Variants in CCSER1 observed in about 807,000 individuals in gnomAD.
CCSER1 encodes the protein coiled-coil serine rich protein 1.
Under a neutral mutation model 82.0 loss-of-function variants are expected in CCSER1, and 41 were observed. That is an observed-to-expected ratio of 0.50 (90% CI 0.39 to 0.65). CCSER1 has a LOEUF of 0.65. Ranked by LOEUF, CCSER1 falls within the 30% of genes least tolerant of loss-of-function variation. The pLI, the probability that CCSER1 is intolerant of heterozygous loss-of-function variation, is 0.00. For synonymous variants in CCSER1, 414 were observed against 383.9 expected, an observed-to-expected ratio of 1.08 and a Z score of -0.92; for missense variants, 1,119 against 1,064.2, an observed-to-expected ratio of 1.05 and a Z score of -0.72.
At chr4:91,232,523 A>G (rs1444668855) in intron 10 of CCSER1, among the ~76,000 whole-genome samples, 1 of 151,814 alleles carries the variant, frequency 6.6e-6, no homozygotes, top group African/African-American at 2.4e-5. Flanking sequence ...CGGAAATACA[A>G]CTATGCCTAT....
At chr4:90,607,557 T>G (rs1236023020) in intron 5 of CCSER1, among the ~76,000 whole-genome samples, 2 of 152,146 alleles carry the variant, frequency 1.3e-5, no homozygotes, top group Non-Finnish European at 2.9e-5. Context: ...CACCCTGATT[T>G]CCGCCTTAAT....
intron 9 of CCSER1, among the ~76,000 whole-genome samples, chr4:90,949,738 G>A (rs1049729512): frequency 6.6e-6 from 1 of 151,844 alleles, no homozygotes; most frequent in East Asian, 1.9e-4. Flanking sequence ...CTAACCTATG[G>A]CATTTACATC....
At chr4:90,959,568 C>T (rs1018234036) in intron 9 of CCSER1, among the ~76,000 whole-genome samples, 22 of 151,944 alleles carry the variant, frequency 1.4e-4, no homozygotes, top group African/African-American at 5.3e-4. Flanking sequence ...AGTCTTATAC[C>T]ATTTAATCCT....
At chr4:90,604,701 C>T (rs1015376728) in intron 5 of CCSER1, among the ~76,000 whole-genome samples, 8 of 152,058 alleles carry the variant, frequency 5.3e-5, no homozygotes, top group Admixed American at 4.6e-4. Context: ...ATCAGCACTT[C>T]GTGTCTAGCT....
chr4:90,786,470 C>T lies in CCSER1; in HGVS notation c.2011-29292C>T, dbSNP rs370641395. ...AATGTATTTTTTCTAGTACTTAGAG[C>T]CTTTAATACTGTAATCATTTTACTC... On this transcript the variant is annotated intron_variant, in intron 7 of 10. Transcript: ENST00000509176. 2.0e-5 allele frequency among the ~76,000 whole-genome samples: 3 copies of T among 151,022 alleles called. 1 individual carries two copies. The highest frequency in any genetic ancestry group is 3.9e-4 in the East Asian group (2 of 5,150).
chr4:90,993,970 G>C (rs961032598), intron 9 of CCSER1, among the ~76,000 whole-genome samples: 9 of 152,014 alleles, frequency 5.9e-5, no homozygotes, highest in Non-Finnish European at 1.0e-4. Flanking sequence ...GATGTTACTT[G>C]ACTTATGATA....
chr4:91,137,119 T>G (rs1728552516), intron 10 of CCSER1, among the ~76,000 whole-genome samples: 1 of 144,028 alleles, frequency 6.9e-6, no homozygotes, highest in South Asian at 2.3e-4. Flanking sequence ...CACTAACTCG[T>G]CATCTAGCCT....
At chr4:91,248,195 A>T (rs1451773335) in intron 10 of CCSER1, among the ~76,000 whole-genome samples, 2 of 152,176 alleles carry the variant, frequency 1.3e-5, no homozygotes, top group Non-Finnish European at 2.9e-5. Flanking sequence ...CCACATATGC[A>T]CTCATATATA....
At chr4:91,015,734 T>G (rs1182263432) in intron 9 of CCSER1, among the ~76,000 whole-genome samples, 1 of 152,028 alleles carries the variant, frequency 6.6e-6, no homozygotes, top group African/African-American at 2.4e-5. Flanking sequence ...ATATTAATCC[T>G]TAATTTTTAG....
At chr4:91,373,201 A>G (rs187910856) in intron 10 of CCSER1, among the ~76,000 whole-genome samples, 57 of 152,238 alleles carry the variant, frequency 3.7e-4, no homozygotes, top group African/African-American at 1.3e-3. Context: ...CCCGGTGCCA[A>G]CAATATTTAG....
At chr4:90,403,997 G>T (rs1753327973) in intron 4 of CCSER1, 1 of 152,174 alleles carries the variant, frequency 6.6e-6, no homozygotes. Context: ...ACCGCCACAG[G>T]CTCCCTGAGA....
At chr4:91,325,874 T>C (rs1053498407) in intron 10 of CCSER1, among the ~76,000 whole-genome samples, 1 of 152,196 alleles carries the variant, frequency 6.6e-6, no homozygotes, top group African/African-American at 2.4e-5. Context: ...AAAAGATTAG[T>C]TTTAGTTTGA....
At chr4:91,319,569 T>G (rs182021284) in intron 10 of CCSER1, 121 of 428,942 alleles carry the variant, frequency 2.8e-4, no homozygotes, top group Admixed American at 6.3e-4. Context: ...GTGAAAGAAG[T>G]AAAGAATAAG....
chr4:91,589,980 G>A (rs1319183179), intron 10 of CCSER1, among the ~76,000 whole-genome samples: 1 of 151,988 alleles, frequency 6.6e-6, no homozygotes, highest in Non-Finnish European at 1.5e-5. Flanking sequence ...TCTGCCTAGA[G>A]TTCATTTACT....
At chr4:90,490,087 G>C (rs1193353912) in intron 5 of CCSER1, among the ~76,000 whole-genome samples, 1 of 152,122 alleles carries the variant, frequency 6.6e-6, no homozygotes, top group African/African-American at 2.4e-5. Flanking sequence ...TATCCCTGAG[G>C]AATCACCACA....
intron 10 of CCSER1, among the ~76,000 whole-genome samples, chr4:91,474,783 TTG>T (rs1560700538): frequency 1.9e-5 from 2 of 104,378 alleles, no homozygotes; most frequent in African/African-American, 7.1e-5. Flanking sequence ...ATATATATAT[TTG>T]TGTATATATA....
Position 90,443,984 on chromosome 4 carries a change from A to G in CCSER1, c.1604-24250A>G, listed in dbSNP as rs28736666. Among the ~76,000 whole-genome samples, 1,221 of 152,170 alleles carry G rather than the reference A, an allele frequency of 8.0e-3. 14 individuals carry two copies. Among genetic ancestry groups the G allele is most frequent in the African/African-American group, 0.028 (1,172 of 41,542 alleles). On this transcript the variant is annotated intron_variant, in intron 4 of 10. Coordinates refer to ENST00000509176, the MANE Select transcript of CCSER1 (RefSeq NM_001145065.2). Reference sequence around the variant, plus strand: ...ACTTTTTAGAGTATGCATGCTGGTAATATAATTAAATATTATGTAGGGTGT... The same window carrying G: ...ACTTTTTAGAGTATGCATGCTGGTAGTATAATTAAATATTATGTAGGGTGT...
rs117502298 is a variant in CCSER1, at chr4:90,268,692, T to C, written c.-41-39552T>C. The stretch of plus-strand genomic sequence containing the variant: ...ATAACAAAATGGCAGGAGTAAGTCC[T>C]TACTTATCAATGAGAACATTGAATG... On this transcript the variant is annotated intron_variant, in intron 1 of 10. Transcript: ENST00000509176. 0.02 allele frequency among the ~76,000 whole-genome samples: 2,990 copies of C among 152,166 alleles called. 193 individuals are homozygous for C. The East Asian group carries it at 0.23, about 12-fold the overall frequency.
intron 10 of CCSER1, among the ~76,000 whole-genome samples, chr4:91,246,021 G>T (rs1299859949): frequency 2.0e-5 from 3 of 152,154 alleles, no homozygotes; most frequent in Non-Finnish European, 4.4e-5. Context: ...TGAGCAAGAA[G>T]AAATCATCTG....
Sources: allele counts gnomAD v4.1 joint callset (sites outside exome capture counted in the v4.1 genomes callset), GRCh38; gene constraint gnomAD v4.1.1; transcripts MANE v1.5; gene names NCBI Gene and HGNC (gene_info 2026-07-23, HGNC 2026-07-21).